The following SASH1 variants were observed in gnomAD, a reference collection of about 807,000 sequenced individuals.
SASH1 encodes SAM and SH3 domain containing 1.
In SASH1, 44 loss-of-function variants were observed where a neutral mutation model predicts 125.2. That is an observed-to-expected ratio of 0.35 (90% CI 0.28 to 0.45). The LOEUF (loss-of-function observed/expected upper bound fraction) is 0.45, where lower values mean the gene tolerates loss of function less well. SASH1 is among the 20% of genes least tolerant of loss of function. The probability of loss-of-function intolerance (pLI) is 1.00; values close to 1 mark genes in which losing one functional copy is unlikely to be tolerated. For missense variants in SASH1, 1,426 were observed against 1,614.5 expected (o/e 0.88, Z 2.00); for synonymous variants, 639 against 649.1 (o/e 0.98, Z 0.24).
At chr6:148,235,333 G>C in the SASH1 span, among the ~76,000 whole-genome samples, 1 of 152,068 alleles carries the variant, frequency 6.6e-6, no homozygotes, top group African/African-American at 2.4e-5. Context: ...CTCACTGAAA[G>C]AAAAGACAAA....
chr6:148,339,004 TAAAAAAAAAA>T (rs760321688), upstream of SASH1, among the ~76,000 whole-genome samples: 6 of 88,198 alleles, frequency 6.8e-5, no homozygotes, highest in Admixed American at 6.2e-4. Flanking sequence ...ACTCTGTCTT[TAAAAAAAAAA>T]AAAAAAAAAA....
At chr6:148,381,617 CTTT>C (rs201145545) in intron 1 of SASH1, among the ~76,000 whole-genome samples, 13 of 77,896 alleles carry the variant, frequency 1.7e-4, no homozygotes, top group South Asian at 6.1e-4. Flanking sequence ...TTCTTGCTTT[CTTT>C]TTTTTTTTTT....
the SASH1 span, among the ~76,000 whole-genome samples, chr6:148,234,851 G>A: frequency 6.6e-6 from 1 of 151,668 alleles, no homozygotes; most frequent in South Asian, 2.1e-4. Flanking sequence ...AAAGAAGGAG[G>A]AGGAGGAACT....
intron 6 of SASH1, among the ~76,000 whole-genome samples, chr6:148,473,710 A>T (rs1207650733): frequency 6.6e-6 from 1 of 152,224 alleles, no homozygotes; most frequent in African/African-American, 2.4e-5. Context: ...TAATGGAAGG[A>T]CACAAAGAAC....
the SASH1 span, among the ~76,000 whole-genome samples, chr6:148,215,725 G>C: frequency 6.6e-6 from 1 of 152,140 alleles, no homozygotes; most frequent in Non-Finnish European, 1.5e-5. Flanking sequence ...CGCATCCCCA[G>C]ACGTCAGGGT....
At chr6:148,356,523 G>T (rs9498011) in intron 1 of SASH1, among the ~76,000 whole-genome samples, 4 of 134,956 alleles carry the variant, frequency 3.0e-5, no homozygotes, top group Admixed American at 7.7e-5. Context: ...TTGAGACTGG[G>T]TTTTGCTCTT....
At chr6:148,527,990 G>GC (rs1273671402) in intron 12 of SASH1, among the ~76,000 whole-genome samples, 34 of 39,012 alleles carry the variant, frequency 8.7e-4, no homozygotes, top group African/African-American at 4.1e-3. Flanking sequence ...TTTTTTTTTG[G>GC]GGGGGGGGGT....
intron 2 of SASH1, among the ~76,000 whole-genome samples, chr6:148,410,481 T>C (rs1369610162): frequency 6.6e-6 from 1 of 152,114 alleles, no homozygotes; most frequent in African/African-American, 2.4e-5. Flanking sequence ...TACTTCACAG[T>C]GATACATTTA....
chr6:148,500,314 G>C (rs1779512552), intron 8 of SASH1, among the ~76,000 whole-genome samples: 1 of 151,878 alleles, frequency 6.6e-6, no homozygotes, highest in African/African-American at 2.4e-5. Context: ...ATGATATATG[G>C]TGAAATGTGG....
chr6:148,319,837 C>T (rs1562322723), intron 1 of SASH1, among the ~76,000 whole-genome samples: 2 of 152,112 alleles, frequency 1.3e-5, no homozygotes, highest in Admixed American at 1.3e-4. Context: ...TTAAATTGCA[C>T]GCCATTCTGA....
intron 8 of SASH1, among the ~76,000 whole-genome samples, chr6:148,503,227 T>G (rs989932578): frequency 1.3e-5 from 2 of 152,168 alleles, no homozygotes; most frequent in Non-Finnish European, 2.9e-5. Flanking sequence ...CGATACAACA[T>G]TTTTTCAGAG....
chr6:148,528,205 A>G (rs777750686), intron 12 of SASH1, among the ~76,000 whole-genome samples: 3 of 152,192 alleles, frequency 2.0e-5, no homozygotes, highest in Non-Finnish European at 4.4e-5. Context: ...TTTCATTGCT[A>G]GAGAAATGAC....
chr6:148,282,628 C>T (rs1276156462), intron 1 of SASH1, among the ~76,000 whole-genome samples: 1 of 152,150 alleles, frequency 6.6e-6, no homozygotes, highest in Non-Finnish European at 1.5e-5. Context: ...GATCCCCCCG[C>T]CTCAGCCTCC....
the SASH1 span, among the ~76,000 whole-genome samples, chr6:148,196,441 TG>T: frequency 6.6e-6 from 1 of 152,206 alleles, no homozygotes; most frequent in African/African-American, 2.4e-5. Flanking sequence ...GCAGAGGGCA[TG>T]ATGGCCATGC....
rs1290001689 is a variant in SASH1, at chr6:148,343,106, T to G, written c.39T>G (p.Pro13=). ...GAGCAGCTGGCCCGGGGCCGGAGCC[T>G]GAGCCCGAGCCCGAGCCGGAGCCCG... is the stretch of plus-strand genomic sequence containing the variant. ...DAGAAGPGPE[P]EPEPEPEPEP... Residue 13 remains proline, a synonymous_variant, in exon 1 of 20, where the codon CCT becomes CCG. Coordinates refer to ENST00000367467, the MANE Select transcript of SASH1 (RefSeq NM_015278.5). The G allele has an allele frequency of 5.7e-6, 9 of 1,573,602 alleles. No homozygotes were observed. The highest frequency in any genetic ancestry group is 7.7e-6 in the Non-Finnish European group (9 of 1,166,878).
the SASH1 span, among the ~76,000 whole-genome samples, chr6:148,250,067 G>A: frequency 2.6e-5 from 4 of 152,172 alleles, no homozygotes; most frequent in Admixed American, 2.6e-4. Context: ...CAGCCTGAAT[G>A]TGAACCCTGC....
intron 16 of SASH1, among the ~76,000 whole-genome samples, chr6:148,539,411 T>C (rs1192180554): frequency 2.0e-5 from 3 of 152,180 alleles, no homozygotes; most frequent in Admixed American, 6.5e-5. Flanking sequence ...TATGCCTTTA[T>C]GTGCTTATAG....
At chr6:148,329,670 C>A (rs536639750) in intron 1 of SASH1, among the ~76,000 whole-genome samples, 8 of 152,032 alleles carry the variant, frequency 5.3e-5, no homozygotes, top group Non-Finnish European at 1.2e-4. Flanking sequence ...GTGTGTGTCA[C>A]AAAAAATGCA....
Position 148,276,765 on chromosome 6 carries a change from T to C in SASH1, n.74+4388T>C, listed in dbSNP as rs188370269. On this transcript the variant is annotated intron_variant and non_coding_transcript_variant, in intron 1 of 3. Transcript: ENST00000367469. ...TGCATTTTTTTACCCAAGAAGTGCC[T>C]TGTGTAGTTCCAAGTACTTCACATA... 5.9e-5 allele frequency among the ~76,000 whole-genome samples: 9 copies of C among 152,218 alleles called. 1 individual carries two copies. In the East Asian group the frequency reaches 1.7e-3, roughly 29 times the overall value.
Sources: allele counts gnomAD v4.1 joint callset (sites outside exome capture counted in the v4.1 genomes callset), GRCh38; gene constraint gnomAD v4.1.1; transcripts MANE v1.5; gene names NCBI Gene and HGNC (gene_info 2026-07-23, HGNC 2026-07-21).